TTC28: variants seen among roughly 807,000 people sequenced by gnomAD.
TTC28 encodes tetratricopeptide repeat protein 28.
Under a neutral mutation model 198.0 loss-of-function variants are expected in TTC28, and 61 were observed. That is an observed-to-expected ratio of 0.31 (90% CI 0.25 to 0.38). TTC28 has a LOEUF of 0.38. TTC28 is among the 10% of genes least tolerant of loss of function. TTC28 has a pLI of 1.00. For synonymous variants in TTC28, 1,171 were observed against 1,297.8 expected (o/e 0.90, Z 2.10); for missense variants, 2,678 against 3,164.0 (o/e 0.85, Z 3.69).
chr22:28,525,152 G>T (rs2048982116), intron 2 of TTC28, among the ~76,000 whole-genome samples: 1 of 152,020 alleles, frequency 6.6e-6, no homozygotes, highest in East Asian at 1.9e-4. Flanking sequence ...AAAGTTTGGG[G>T]GTTTTATTGT....
intron 5 of TTC28, among the ~76,000 whole-genome samples, chr22:28,194,314 C>T (rs1452601015): frequency 6.6e-6 from 1 of 152,116 alleles, no homozygotes; most frequent in African/African-American, 2.4e-5. Context: ...GCACTAAATG[C>T]CCACAAGAGA....
At chr22:28,388,339 G>T (rs541137275) in intron 2 of TTC28, among the ~76,000 whole-genome samples, 7 of 152,142 alleles carry the variant, frequency 4.6e-5, no homozygotes, top group Admixed American at 4.6e-4. Flanking sequence ...CTCTTTTTTA[G>T]TTCCATATGA....
rs764154382 is a variant in TTC28 at position 28,629,655 on chromosome 22, A to G, written c.278T>C (p.Ile93Thr). The G allele has an allele frequency of 7.9e-5, 122 of 1,551,594 alleles. No homozygotes were observed. Among genetic ancestry groups the G allele is most frequent in the Non-Finnish European group, 1.0e-4 (117 of 1,146,992 alleles). The change falls in exon 2 of 23, where the codon ATC becomes ACC. Residue 93 changes from isoleucine (I) to threonine (T), a missense_variant. Physicochemically the swap from Ile to Thr is moderately conservative, Grantham distance 89. Transcript: ENST00000397906. ...GGCTGCAGATCTATTGCTGTATAAGATGCAGTTCTGAGGGTCAACAGCCAG... is the reference window on the plus strand; with the variant it reads ...GGCTGCAGATCTATTGCTGTATAAGGTGCAGTTCTGAGGGTCAACAGCCAG... ...EALAVDPQNC[I>T]LYSNRSAAYM...
At chr22:28,168,522 T>C (rs1288050036) in intron 5 of TTC28, among the ~76,000 whole-genome samples, 3 of 151,998 alleles carry the variant, frequency 2.0e-5, no homozygotes, top group Admixed American at 6.6e-5. Flanking sequence ...ATGCCGCATA[T>C]CTACAACCAT....
At chr22:28,322,942 A>C (rs2045470059) in intron 2 of TTC28, among the ~76,000 whole-genome samples, 1 of 152,170 alleles carries the variant, frequency 6.6e-6, no homozygotes, top group Non-Finnish European at 1.5e-5. Flanking sequence ...CTTATGCTTC[A>C]GTCTTCAACA....
chr22:28,270,360 GA>G, intron 5 of TTC28, among the ~76,000 whole-genome samples: 1 of 152,116 alleles, frequency 6.6e-6, no homozygotes, highest in Middle Eastern at 3.4e-3. Context: ...AGAGAGATAG[GA>G]AAAGTTACAA....
At chr22:28,101,482 C>T (rs767973609) in intron 8 of TTC28, among the ~76,000 whole-genome samples, 23 of 152,148 alleles carry the variant, frequency 1.5e-4, no homozygotes, top group Non-Finnish European at 3.2e-4. Context: ...AGTCAGCCTC[C>T]GGAATACCTG....
At chr22:28,647,934 G>A (rs1601661641) in intron 1 of TTC28, among the ~76,000 whole-genome samples, 2 of 151,542 alleles carry the variant, frequency 1.3e-5, no homozygotes, top group Admixed American at 1.3e-4. Flanking sequence ...ATTTAAAAAT[G>A]ATCAACATCG....
chr22:27,998,486 G>C (rs1937590678), intron 16 of TTC28, 54 bp downstream of exon 16: 1 of 1,505,906 alleles, frequency 6.6e-7, no homozygotes, highest in East Asian at 2.5e-5. Context: ...TCGGGGGGCT[G>C]TGAGGACTGA....
chr22:28,259,696 G>T (rs1327712265), intron 5 of TTC28, among the ~76,000 whole-genome samples: 1 of 151,982 alleles, frequency 6.6e-6, no homozygotes, highest in East Asian at 1.9e-4. Flanking sequence ...AAAAGAATTG[G>T]CTAGCCACAT....
At chr22:28,270,864 G>C (rs889658906) in intron 5 of TTC28, among the ~76,000 whole-genome samples, 2 of 152,024 alleles carry the variant, frequency 1.3e-5, no homozygotes, top group Non-Finnish European at 2.9e-5. Flanking sequence ...CGAGACTCTT[G>C]CCTCAAAAAA....
intron 2 of TTC28, among the ~76,000 whole-genome samples, chr22:28,316,253 T>C (rs539134466): frequency 6.6e-6 from 1 of 152,288 alleles, no homozygotes; most frequent in East Asian, 1.9e-4. Flanking sequence ...GGCTGTTCTT[T>C]TGCTTGAAAG....
Position 28,094,103 on chromosome 22 carries a change from C to G in TTC28, c.3909G>C (p.Leu1303=). The G allele has an allele frequency of 2.6e-6, 4 of 1,549,842 alleles. No individual in the cohort carries two copies. The highest frequency in any genetic ancestry group is 3.5e-6 in the Non-Finnish European group (4 of 1,146,412). ...ACCTTGAGTAGTGAGACTCCACCCC[C>G]AGGGCCTCCCGGACACTGGCAATGT... ...EQHIASVREA[L]GVESHYSRAC... The change falls in exon 12 of 23, where the codon CTG becomes CTC. Residue 1303 remains leucine (L), a synonymous_variant. Transcript: ENST00000397906.
intron 2 of TTC28, among the ~76,000 whole-genome samples, chr22:28,368,301 A>G (rs141095116): frequency 1.9e-4 from 29 of 152,228 alleles, no homozygotes; most frequent in African/African-American, 7.0e-4. Flanking sequence ...AATACATATG[A>G]TCATTTCAAT....
At chr22:28,601,098 G>A (rs939520861) in intron 2 of TTC28, among the ~76,000 whole-genome samples, 4 of 151,974 alleles carry the variant, frequency 2.6e-5, no homozygotes, top group Non-Finnish European at 5.9e-5. Flanking sequence ...TATCACTAGA[G>A]CTTACCCATT....
In TTC28 at chr22:28,292,896, G is replaced by A. The variant is rs190745257; in HGVS notation, c.933+3302C>T. On this transcript the variant is annotated intron_variant, in intron 5 of 22. Transcript: ENST00000397906. ...CCTTGAACCCTAAGCACAGTATTAG[G>A]TGCCTTATGAGAAGACATCACACTT... is the stretch of plus-strand genomic sequence containing the variant. Among the ~76,000 whole-genome samples the A allele has an allele frequency of 3.6e-3, 551 of 152,308 alleles. 1 individual carries two copies. The highest frequency in any genetic ancestry group is 5.2e-3 in the Non-Finnish European group (356 of 68,028).
At chr22:28,147,657 T>C (rs1943500424) in intron 6 of TTC28, among the ~76,000 whole-genome samples, 1 of 152,182 alleles carries the variant, frequency 6.6e-6, no homozygotes, top group Non-Finnish European at 1.5e-5. Flanking sequence ...AACCTCTCTG[T>C]TCTTTGGGTT....
chr22:28,092,384 A>G (rs906800918), intron 12 of TTC28, among the ~76,000 whole-genome samples: 2 of 152,176 alleles, frequency 1.3e-5, no homozygotes, highest in African/African-American at 4.8e-5. Flanking sequence ...AGCACTCAAA[A>G]TACCTGTGGA....
At chr22:28,477,440 T>A (rs1320288100) in intron 2 of TTC28, among the ~76,000 whole-genome samples, 1 of 152,140 alleles carries the variant, frequency 6.6e-6, no homozygotes, top group Non-Finnish European at 1.5e-5. Flanking sequence ...CATTAACACA[T>A]TCCAGCCACA....
Sources: allele counts gnomAD v4.1 joint callset (sites outside exome capture counted in the v4.1 genomes callset), GRCh38; gene constraint gnomAD v4.1.1; transcripts MANE v1.5; gene names NCBI Gene and HGNC (gene_info 2026-07-23, HGNC 2026-07-21).